LSAMP: variants seen among roughly 807,000 people sequenced by gnomAD.
LSAMP encodes limbic system-associated membrane protein.
A neutral mutation model predicts 38.6 loss-of-function variants in LSAMP; 7 were observed. The observed-to-expected ratio is 0.18, with a 90% CI of 0.10 to 0.34. LSAMP has a LOEUF of 0.34. Among genes scored for constraint, LSAMP ranks in the 10% least tolerant of loss-of-function variants. LSAMP has a pLI of 1.00. For missense variants in LSAMP, 313 were observed against 420.0 expected, an observed-to-expected ratio of 0.75 and a Z score of 2.23; for synonymous variants, 154 against 166.8, an observed-to-expected ratio of 0.92 and a Z score of 0.59.
intron 2 of LSAMP, among the ~76,000 whole-genome samples, chr3:116,059,597 G>A (rs1941554954): frequency 1.3e-5 from 2 of 152,296 alleles, no homozygotes; most frequent in South Asian, 4.1e-4. Flanking sequence ...CCAAGGGGCT[G>A]AGTCTTTTTC....
intron 1 of LSAMP, among the ~76,000 whole-genome samples, chr3:116,391,704 C>T (rs1386851744): frequency 1.3e-5 from 2 of 152,152 alleles, no homozygotes; most frequent in African/African-American, 2.4e-5. Flanking sequence ...ATGGCAGCAG[C>T]AGACCGTCTG....
At chr3:116,114,043 G>C (rs992379843) in intron 1 of LSAMP, among the ~76,000 whole-genome samples, 1 of 152,106 alleles carries the variant, frequency 6.6e-6, no homozygotes, top group African/African-American at 2.4e-5. Flanking sequence ...TGTGCTTCCA[G>C]GAACCAAGGA....
intron 6 of LSAMP, among the ~76,000 whole-genome samples, chr3:115,819,183 C>A (rs900221990): frequency 1.3e-5 from 2 of 151,766 alleles, no homozygotes; most frequent in Non-Finnish European, 2.9e-5. Context: ...CAGTGGCTCA[C>A]GCCTGTAATC....
In LSAMP at chr3:115,841,320, G is replaced by A. The variant is rs137938640; in HGVS notation, c.919+525C>T. ...TTCTGCAACCATTTTTCCTCCTTTAGATTTTACATTATGTTTTTATCATTT... is the reference window on the plus strand; with the variant it reads ...TTCTGCAACCATTTTTCCTCCTTTAAATTTTACATTATGTTTTTATCATTT... On this transcript the variant is annotated intron_variant, in intron 6 of 6. Coordinates refer to ENST00000490035, the MANE Select transcript of LSAMP (RefSeq NM_002338.5). Among the ~76,000 whole-genome samples, 138 of 152,114 alleles carry A rather than the reference G, an allele frequency of 9.1e-4. 2 individuals are homozygous for A. In the Middle Eastern group the frequency reaches 0.027, roughly 30 times the overall value.
At chr3:115,821,425 A>G (rs779161156) in intron 6 of LSAMP, among the ~76,000 whole-genome samples, 14 of 152,330 alleles carry the variant, frequency 9.2e-5, no homozygotes, top group Non-Finnish European at 1.8e-4. Flanking sequence ...GTTCATTTGC[A>G]TTCACATGTA....
intron 3 of LSAMP, among the ~76,000 whole-genome samples, chr3:115,976,790 C>G: frequency 6.6e-6 from 1 of 152,170 alleles, no homozygotes; most frequent in Admixed American, 6.5e-5. Context: ...TCTTAACTCT[C>G]TTTCTCCTCT....
chr3:116,342,114 G>C (rs1356004673), intron 1 of LSAMP, among the ~76,000 whole-genome samples: 1 of 152,028 alleles, frequency 6.6e-6, no homozygotes, highest in East Asian at 1.9e-4. Flanking sequence ...CCTGACCTCA[G>C]CCATACTAAC....
At chr3:115,874,160 C>A (rs949194266) in intron 3 of LSAMP, among the ~76,000 whole-genome samples, 3 of 152,062 alleles carry the variant, frequency 2.0e-5, no homozygotes, top group African/African-American at 7.2e-5. Flanking sequence ...AGAGTTGGAG[C>A]TTTTAGATTT....
chr3:115,844,221 G>A (rs1935085970), intron 4 of LSAMP, among the ~76,000 whole-genome samples: 1 of 152,170 alleles, frequency 6.6e-6, no homozygotes, highest in Non-Finnish European at 1.5e-5. Flanking sequence ...TATGATCCAA[G>A]TGTATTTTCA....
intron 1 of LSAMP, among the ~76,000 whole-genome samples, chr3:116,421,787 C>T (rs192383141): frequency 5.3e-4 from 81 of 152,232 alleles, no homozygotes; most frequent in African/African-American, 1.8e-3. Flanking sequence ...CCATAAGTGT[C>T]GACAAGTATA....
intron 1 of LSAMP, among the ~76,000 whole-genome samples, chr3:116,166,494 A>G (rs768852966): frequency 5.9e-4 from 90 of 152,210 alleles, no homozygotes; most frequent in Non-Finnish European, 8.8e-4. Flanking sequence ...TTCAATTTGC[A>G]GCATTGTTAT....
At chr3:116,368,243 G>A (rs1352380235) in intron 1 of LSAMP, 3 of 152,194 alleles carry the variant, frequency 2.0e-5, no homozygotes, top group Non-Finnish European at 4.4e-5. Context: ...GTGAAAACTA[G>A]GCTAATACAC....
At chr3:115,950,798 C>CAAAAAAAAAAAAAAAAAA (rs56179163) in intron 3 of LSAMP, among the ~76,000 whole-genome samples, 1 of 86,728 alleles carries the variant, frequency 1.2e-5, no homozygotes, top group African/African-American at 5.2e-5. Context: ...CAAGACTTAG[C>CAAAAAAAAAAAAAAAAAA]AAAAAAAAAA....
intron 1 of LSAMP, among the ~76,000 whole-genome samples, chr3:116,221,150 CA>C (rs71141862): frequency 4.6e-3 from 244 of 53,174 alleles, no homozygotes; most frequent in African/African-American, 0.016. Flanking sequence ...GACTCTGTCT[CA>C]AAAAAAAAAA....
chr3:115,861,063 CTCCCTCT>C (rs1935664208), intron 3 of LSAMP, among the ~76,000 whole-genome samples: 1 of 61,916 alleles, frequency 1.6e-5, no homozygotes, highest in Admixed American at 2.0e-4. Context: ...CCCTCCCTCC[CTCCCTCT>C]CTCCCTCTTT....
At chr3:116,305,583 G>A (rs936490972) in intron 1 of LSAMP, among the ~76,000 whole-genome samples, 1 of 151,502 alleles carries the variant, frequency 6.6e-6, no homozygotes, top group Non-Finnish European at 1.5e-5. Flanking sequence ...CAGCTTGCAT[G>A]AAAAAAATAC....
rs193111589 is a variant in LSAMP at position 116,426,850 on chromosome 3, A to T, written c.155+18027T>A. The stretch of plus-strand genomic sequence containing the variant: ...AGAATTATAAGCCGAAGTAGACTAT[A>T]GTATGGGGGAGTGTAATTATTATTA... On this transcript the variant is annotated intron_variant, in intron 1 of 6. Transcript: ENST00000490035. 7.9e-5 allele frequency among the ~76,000 whole-genome samples: 12 copies of T among 152,012 alleles called. No individual in the cohort carries two copies. The East Asian group carries it at 2.3e-3, about 30-fold the overall frequency.
chr3:116,248,954 T>C (rs1454185810), intron 1 of LSAMP, among the ~76,000 whole-genome samples: 1 of 152,076 alleles, frequency 6.6e-6, no homozygotes, highest in Non-Finnish European at 1.5e-5. Flanking sequence ...GAGACCATCC[T>C]GGCTAAGATG....
chr3:116,315,684 G>A (rs962604726), intron 1 of LSAMP, among the ~76,000 whole-genome samples: 12 of 152,300 alleles, frequency 7.9e-5, no homozygotes, highest in Non-Finnish European at 1.5e-4. Flanking sequence ...TGTTCTAAGC[G>A]ATAAAGTGAT....
Sources: allele counts gnomAD v4.1 joint callset (sites outside exome capture counted in the v4.1 genomes callset), GRCh38; gene constraint gnomAD v4.1.1; transcripts MANE v1.5; gene names NCBI Gene and HGNC (gene_info 2026-07-23, HGNC 2026-07-21).